Variants in RAB15 observed in about 807,000 individuals in gnomAD.
RAB15 encodes ras-related protein Rab-15.
In RAB15, 13 loss-of-function variants were observed where a neutral mutation model predicts 31.8. That is an observed-to-expected ratio of 0.41 (90% CI 0.27 to 0.65). The LOEUF (loss-of-function observed/expected upper bound fraction) is 0.65, where lower values mean the gene tolerates loss of function less well. Among genes scored for constraint, RAB15 ranks in the 30% least tolerant of loss-of-function variants. The pLI, the probability that RAB15 is intolerant of heterozygous loss-of-function variation, is 0.32. For synonymous variants in RAB15, 100 were observed against 105.6 expected, an observed-to-expected ratio of 0.95 and a Z score of 0.33; for missense variants, 220 against 277.3, an observed-to-expected ratio of 0.79 and a Z score of 1.47.
At chr14:64,963,109 CTTTTTTTTTTTTTTT>C (rs1165246293) in intron 1 of RAB15, among the ~76,000 whole-genome samples, 1 of 96,400 alleles carries the variant, frequency 1.0e-5, no homozygotes, top group Non-Finnish European at 1.9e-5. Flanking sequence ...CCCTTCCCCA[CTTTTTTTTTTTTTTT>C]TTTTTTTTTT....
Position 64,950,511 on chromosome 14 carries a change from CAGAGCCCT to C in RAB15, c.325-105_325-98del. The C allele has an allele frequency of 9.6e-7, 1 of 1,044,876 alleles. No individual in the cohort carries two copies. The highest frequency in any genetic ancestry group is 1.3e-5 in the South Asian group (1 of 79,100). 64.7% of individuals were successfully genotyped at this position (1,044,876 alleles called of 1,614,324 possible). ...ACTGCCTCCAGCCCACCACCAATTC[CAGAGCCCT>C]AGGGACAGGGTGGGCCGACTGGATG... On this transcript the variant is annotated intron_variant, in intron 4 of 6. Coordinates refer to ENST00000533601, the MANE Select transcript of RAB15 (RefSeq NM_001308154.2). This position sits in a 1 kb window ranked among gnomAD's most constrained non-coding sequence, Gnocchi z 5.6.
Position 64,951,681 on chromosome 14 carries a change from TC to T in RAB15, c.186-19del. 6.2e-7 allele frequency: 1 copy of T among 1,611,280 alleles called. No individual in the cohort carries two copies. ...CAGTGTCCCTGCAGGAGAAAGCCAG[TC>T]CCTCAGAGGAGCAGGGACCATGGGA... On this transcript the variant is annotated intron_variant, in intron 2 of 6. Coordinates refer to ENST00000533601, the MANE Select transcript of RAB15 (RefSeq NM_001308154.2). This position sits in a 1 kb window ranked among gnomAD's most constrained non-coding sequence, Gnocchi z 7.2.
Position 64,952,417 on chromosome 14 carries a change from T to G in RAB15, c.185+94A>C, listed in dbSNP as rs1225770869. The G allele has an allele frequency of 1.1e-6, 1 of 919,448 alleles. No individual in the cohort carries two copies. The highest frequency in any genetic ancestry group is 2.5e-5 in the East Asian group (1 of 40,664). The allele number at this position is 919,448 out of a possible 1,614,324, so 57.0% of individuals were successfully genotyped here. A position where few individuals can be genotyped will look rare whatever the true frequency, so the allele number is the denominator to read the frequency against. On this transcript the variant is annotated intron_variant, in intron 2 of 6. Transcript: ENST00000533601. The surrounding 1 kb of genome is among the most constrained non-coding windows in gnomAD (Gnocchi z 4.2). ...CAGAGAGGTGGCCAGTTATCCCAGGTGAAGCCTAGGAATTTTACACATGGC... is the reference window on the plus strand; with the variant it reads ...CAGAGAGGTGGCCAGTTATCCCAGGGGAAGCCTAGGAATTTTACACATGGC...
At position 64,946,065 on chromosome 14, in the gene RAB15, A is replaced by C. The variant is rs960291030; in HGVS notation, c.*2289T>G. On this transcript the variant is annotated 3_prime_UTR_variant, in exon 7 of 7. Coordinates refer to ENST00000533601, the MANE Select transcript of RAB15 (RefSeq NM_001308154.2). ...TGGGCCTCAAGACATGCCCCAGGCC[A>C]CCAAAAGTTTAGGGTGAGCGTAGCT... The C allele has an allele frequency of 1.3e-5, 2 of 152,610 alleles. No individual in the cohort carries two copies. The highest frequency in any genetic ancestry group is 4.8e-5 in the African/African-American group (2 of 41,432). The allele number at this position is 152,610 out of a possible 1,614,324, so 9.5% of individuals were successfully genotyped here. A position where few individuals can be genotyped will look rare whatever the true frequency, so the allele number is the denominator to read the frequency against.
rs531761949 is a variant in RAB15 at position 64,967,074 on chromosome 14, G to A, written c.124+4879C>T. On this transcript the variant is annotated intron_variant, in intron 1 of 6. Coordinates refer to ENST00000533601, the MANE Select transcript of RAB15 (RefSeq NM_001308154.2). The stretch of plus-strand genomic sequence containing the variant: ...CTCAGTCAAAAGCAAAGTCAAGACA[G>A]GCAGCCAAGCCAGTCCCAGCAGAAC... 2.8e-3 allele frequency among the ~76,000 whole-genome samples: 406 copies of A among 144,584 alleles called. 1 individual carries two copies. Among genetic ancestry groups the A allele is most frequent in the African/African-American group, 0.01 (395 of 38,974 alleles). The allele number at this position is 144,584 out of a possible 152,430, so 94.9% of individuals were successfully genotyped here.
At chr14:64,961,684 G>A (rs1886867650) in intron 1 of RAB15, among the ~76,000 whole-genome samples, 1 of 152,160 alleles carries the variant, frequency 6.6e-6, no homozygotes, top group African/African-American at 2.4e-5. Flanking sequence ...AAGGTGTGAG[G>A]ATCACTTGAA....
intron 1 of RAB15, among the ~76,000 whole-genome samples, chr14:64,963,798 C>T (rs1260785991): frequency 6.6e-6 from 1 of 152,146 alleles, no homozygotes; most frequent in East Asian, 1.9e-4. Context: ...CTCCACAGCA[C>T]CTCCTACAGG....
At chr14:64,965,628 G>C (rs1887094685) in intron 1 of RAB15, among the ~76,000 whole-genome samples, 1 of 152,128 alleles carries the variant, frequency 6.6e-6, no homozygotes, top group South Asian at 2.1e-4. Flanking sequence ...GTTTCACAGG[G>C]AAACTGGTGC....
At chr14:64,961,580 G>A (rs1886860738) in intron 1 of RAB15, among the ~76,000 whole-genome samples, 1 of 152,168 alleles carries the variant, frequency 6.6e-6, no homozygotes, top group Non-Finnish European at 1.5e-5. Flanking sequence ...GGCTCAAGCA[G>A]TGAGGCCATC....
intron 1 of RAB15, among the ~76,000 whole-genome samples, chr14:64,964,522 AAAAAAAAAG>A (rs1319583473): frequency 4.1e-5 from 6 of 146,962 alleles, no homozygotes; most frequent in Non-Finnish European, 5.9e-5. Context: ...CTGTTTCAAA[AAAAAAAAAG>A]AAAAAAAGAA....
At chr14:64,956,619 A>C (rs970107335) in intron 1 of RAB15, among the ~76,000 whole-genome samples, 2 of 152,176 alleles carry the variant, frequency 1.3e-5, no homozygotes, top group South Asian at 2.1e-4. Flanking sequence ...CAAGAGAGCG[A>C]GAGCACAAGA....
chr14:64,948,239 A>G lies in RAB15; in HGVS notation c.*115T>C. ...GGCAGGGGGAGTAGTGGCTACTGAT[A>G]CTCAATAGGGTCATCACACGAGAGG... On this transcript the variant is annotated 3_prime_UTR_variant, in exon 7 of 7. Coordinates refer to ENST00000533601, the MANE Select transcript of RAB15 (RefSeq NM_001308154.2). The surrounding 1 kb of genome is among the most constrained non-coding windows in gnomAD (Gnocchi z 7.0). 1 of 1,108,900 alleles carries G rather than the reference A, an allele frequency of 9.0e-7. No homozygotes were observed. Among genetic ancestry groups the G allele is most frequent in the Non-Finnish European group, 1.2e-6 (1 of 821,388 alleles). 68.7% of individuals were successfully genotyped at this position (1,108,900 alleles called of 1,614,324 possible).
In RAB15 at chr14:64,955,717, T is replaced by C. The variant is rs1317474184; in HGVS notation, c.125-3146A>G. Among the ~76,000 whole-genome samples, 1 of 152,254 alleles carries C rather than the reference T, an allele frequency of 6.6e-6. No homozygotes were observed. The highest frequency in any genetic ancestry group is 6.5e-5 in the Admixed American group (1 of 15,288). On this transcript the variant is annotated intron_variant, in intron 1 of 6. Coordinates refer to ENST00000533601, the MANE Select transcript of RAB15 (RefSeq NM_001308154.2). The surrounding 1 kb of genome is among the most constrained non-coding windows in gnomAD (Gnocchi z 4.4). The stretch of plus-strand genomic sequence containing the variant: ...TCTTCAGATTTTCCTAAGTTCTCTC[T>C]GCCTTCCCTCAGGGAAGAGTCCTCT...
chr14:64,951,076 C>T lies in RAB15; in HGVS notation c.322G>A (p.Glu108Lys), dbSNP rs1886224057. The T allele has an allele frequency of 6.2e-7, 1 of 1,613,062 alleles. No individual in the cohort carries two copies. Among genetic ancestry groups the T allele is most frequent in the African/African-American group, 1.3e-5 (1 of 74,934 alleles). ...GGCAGTGAGGTGGCATCTCCTACCT[C>T]ATCCACGTCACTGACCCACTTCATG... ...HIMKWVSDVD[E>K]YAPEGVQKIL... Residue 108 changes from glutamate to lysine, a missense_variant and splice_region_variant, in exon 4 of 7, where the codon GAG becomes AAG. By Grantham distance (56) the Glu-to-Lys change is moderately conservative (BLOSUM62 1). Transcript: ENST00000533601. The surrounding 1 kb of genome is among the most constrained non-coding windows in gnomAD (Gnocchi z 7.2).
Position 64,948,206 on chromosome 14 carries a change from C to T in RAB15, c.*148G>A. On this transcript the variant is annotated 3_prime_UTR_variant, in exon 7 of 7. Coordinates refer to ENST00000533601, the MANE Select transcript of RAB15 (RefSeq NM_001308154.2). This position sits in a 1 kb window ranked among gnomAD's most constrained non-coding sequence, Gnocchi z 7.0. ...CTTGAGATGACAGCAGAGCCGCTCT[C>T]AGGGCCAGGCAGGGGGAGTAGTGGC... 1.2e-6 allele frequency: 1 copy of T among 836,996 alleles called. No individual in the cohort carries two copies. The highest frequency in any genetic ancestry group is 1.7e-6 in the Non-Finnish European group (1 of 574,766). The allele number at this position is 836,996 out of a possible 1,614,324, so 51.8% of individuals were successfully genotyped here.
At chr14:64,964,734 C>G (rs1887036762) in intron 1 of RAB15, among the ~76,000 whole-genome samples, 1 of 151,600 alleles carries the variant, frequency 6.6e-6, no homozygotes, top group Non-Finnish European at 1.5e-5. Context: ...TGCCACAACA[C>G]CCGGCTAATT....
At chr14:64,960,826 C>T (rs935376709) in intron 1 of RAB15, among the ~76,000 whole-genome samples, 3 of 152,130 alleles carry the variant, frequency 2.0e-5, no homozygotes, top group African/African-American at 7.2e-5. Context: ...CCCAAGCCAG[C>T]ACTTGGCTGG....
At chr14:64,963,150 ACT>A (rs1886950861) in intron 1 of RAB15, among the ~76,000 whole-genome samples, 1 of 113,592 alleles carries the variant, frequency 8.8e-6, no homozygotes, top group African/African-American at 3.6e-5. Flanking sequence ...ACAGGGTCTC[ACT>A]CTGTCACCCA....
chr14:64,964,097 A>C (rs1484428842), intron 1 of RAB15, among the ~76,000 whole-genome samples: 4 of 152,246 alleles, frequency 2.6e-5, no homozygotes, highest in Admixed American at 2.6e-4. Flanking sequence ...AATATTATTC[A>C]ACAAAGTAGA....
Sources: allele counts gnomAD v4.1 joint callset (sites outside exome capture counted in the v4.1 genomes callset), GRCh38; gene constraint gnomAD v4.1.1; non-coding constraint Gnocchi (gnomAD v3.1); transcripts MANE v1.5; gene names NCBI Gene and HGNC (gene_info 2026-07-23, HGNC 2026-07-21).